The following NRG1 variants were observed in gnomAD, a reference collection of about 807,000 sequenced individuals.
NRG1 encodes the protein neuregulin 1, also known as pro-neuregulin-1, membrane-bound isoform.
Under a neutral mutation model 63.8 loss-of-function variants are expected in NRG1, and 18 were observed. The observed-to-expected ratio is 0.28, with a 90% CI of 0.19 to 0.42. The LOEUF (loss-of-function observed/expected upper bound fraction) is 0.42. NRG1 is among the 10% of genes least tolerant of loss of function. NRG1 has a pLI of 1.00. For synonymous variants in NRG1, 302 were observed against 301.3 expected (o/e 1.00, Z -0.02); for missense variants, 762 against 814.7 (o/e 0.94, Z 0.79).
At chr8:31,990,482 C>T (rs184599414) in intron 1 of NRG1, among the ~76,000 whole-genome samples, 69 of 152,140 alleles carry the variant, frequency 4.5e-4, no homozygotes, top group African/African-American at 1.5e-3. Context: ...AGGACTAATG[C>T]ACCTTGAGCT....
intron 5 of NRG1, among the ~76,000 whole-genome samples, chr8:32,645,880 G>C (rs1853411000): frequency 6.6e-6 from 1 of 151,710 alleles, no homozygotes; most frequent in Non-Finnish European, 1.5e-5. Context: ...TTTAATGACT[G>C]TTGTTTTAAA....
At chr8:31,693,440 ATT>A (rs568981643) in intron 1 of NRG1, among the ~76,000 whole-genome samples, 1 of 151,800 alleles carries the variant, frequency 6.6e-6, no homozygotes, top group Non-Finnish European at 1.5e-5. Flanking sequence ...GCTGTTGTTT[ATT>A]GTGTTATATG....
chr8:32,048,811 G>A (rs1023364373), intron 1 of NRG1, among the ~76,000 whole-genome samples: 1 of 151,596 alleles, frequency 6.6e-6, no homozygotes. Context: ...TTTTTTAATC[G>A]GGTTGTTTTG....
chr8:32,110,744 G>A (rs1319372), intron 1 of NRG1, among the ~76,000 whole-genome samples: 111,722 of 152,036 alleles, frequency 0.73, 41,481 homozygotes, highest in Admixed American at 0.82. Flanking sequence ...TGGATCGCCA[G>A]TCATGGTACT....
intron 1 of NRG1, among the ~76,000 whole-genome samples, chr8:32,009,931 T>G (rs2129904766): frequency 6.6e-6 from 1 of 151,418 alleles, no homozygotes; most frequent in Non-Finnish European, 1.5e-5. Flanking sequence ...CCACTCACTT[T>G]TTGGGGTTCC....
In NRG1 at chr8:32,548,834, C is replaced by A. The variant is rs371654376; in HGVS notation, c.100+8C>A. On this transcript the variant is annotated splice_region_variant and intron_variant, in intron 1 of 11. Coordinates refer to ENST00000356819, the Ensembl canonical transcript of NRG1. Reference sequence around the variant, plus strand: ...CGGGCAGCCAGAGCCCAGGTGGGTGCGCAGCGCGGCCCGGGCCCCACGATC... The same window carrying A: ...CGGGCAGCCAGAGCCCAGGTGGGTGAGCAGCGCGGCCCGGGCCCCACGATC... 24 of 1,554,930 alleles carry A rather than the reference C, an allele frequency of 1.5e-5. No individual in the cohort carries two copies. Among genetic ancestry groups the A allele is most frequent in the African/African-American group, 2.7e-5 (2 of 73,734 alleles).
chr8:32,463,874 C>CTTTTTTTTTTTTTTTTTTTT (rs756489856), intron 1 of NRG1, among the ~76,000 whole-genome samples: 4 of 42,356 alleles, frequency 9.4e-5, no homozygotes, highest in East Asian at 1.2e-3. Flanking sequence ...ACTTAGAATT[C>CTTTTTTTTTTTTTTTTTTTT]TTTTTTTTTT....
At chr8:31,923,298 TATC>T in intron 1 of NRG1, among the ~76,000 whole-genome samples, 1 of 152,208 alleles carries the variant, frequency 6.6e-6, no homozygotes, top group East Asian at 1.9e-4. Flanking sequence ...AATGAGGTGA[TATC>T]ATATCAAATA....
intron 1 of NRG1, among the ~76,000 whole-genome samples, chr8:31,917,739 G>T (rs546893882): frequency 6.6e-6 from 1 of 152,146 alleles, no homozygotes; most frequent in Non-Finnish European, 1.5e-5. Context: ...CCAATTCTGT[G>T]AAGAAAGTCA....
In NRG1 at chr8:32,318,091, A is replaced by G. The variant is rs151190605; in HGVS notation, c.38-277737A>G. On this transcript the variant is annotated intron_variant, in intron 1 of 10. Coordinates refer to the NRG1 transcript ENST00000519301. ...GAAATAATCAGATTCTAAAGTTCTC[A>G]CAAGGTTTGGTATTTTGAAGTATTT... Among the ~76,000 whole-genome samples, 6 of 152,332 alleles carry G rather than the reference A, an allele frequency of 3.9e-5. No individual in the cohort carries two copies. In the East Asian group the frequency reaches 1.2e-3, roughly 29 times the overall value.
At chr8:32,162,111 C>T (rs994533661) in intron 1 of NRG1, among the ~76,000 whole-genome samples, 11 of 152,186 alleles carry the variant, frequency 7.2e-5, no homozygotes, top group African/African-American at 2.4e-4. Context: ...AATATGTATG[C>T]ATCACTTTTC....
chr8:31,709,168 T>A (rs575018745), intron 1 of NRG1, among the ~76,000 whole-genome samples: 4 of 152,008 alleles, frequency 2.6e-5, no homozygotes, highest in South Asian at 4.2e-4. Context: ...GGTGATTTTT[T>A]ATTTAATCAA....
Position 32,764,338 on chromosome 8 carries a change from C to T in NRG1, c.1850C>T (p.Thr617Ile), listed in dbSNP as rs368158411. The change falls in exon 12 of 12, where the codon ACA (threonine) becomes ATA (isoleucine). Residue 617 changes from threonine to isoleucine, a missense_variant. Physicochemically the swap from Thr to Ile is moderately conservative, Grantham distance 89. Transcript: ENST00000356819. ...ACTAACCCAGCAGGCCGCTTCTCGA[C>T]ACAGGAAGAAATCCAGGCCAGGCTG... 16 of 1,613,426 alleles carry T rather than the reference C, an allele frequency of 9.9e-6. No homozygotes were observed. The African/African-American group carries it at 2.0e-4, about 20-fold the overall frequency.
intron 1 of NRG1, among the ~76,000 whole-genome samples, chr8:32,500,475 C>T (rs375867597): frequency 3.7e-4 from 57 of 152,268 alleles, no homozygotes; most frequent in African/African-American, 1.2e-3. Flanking sequence ...ATATAGTCAA[C>T]CTTAGTTCCT....
At chr8:32,759,671 A>G (rs1177164023) in intron 10 of NRG1, among the ~76,000 whole-genome samples, 2 of 152,090 alleles carry the variant, frequency 1.3e-5, no homozygotes, top group Non-Finnish European at 2.9e-5. Context: ...ATGCCCTGCT[A>G]CTCACCGAAT....
At chr8:32,497,666 A>G (rs1827370926) in intron 1 of NRG1, among the ~76,000 whole-genome samples, 1 of 152,152 alleles carries the variant, frequency 6.6e-6, no homozygotes, top group Admixed American at 6.5e-5. Flanking sequence ...GCAGAGAACT[A>G]ACATGTGTAC....
intron 1 of NRG1, among the ~76,000 whole-genome samples, chr8:32,449,050 T>C (rs1450918636): frequency 1.3e-5 from 2 of 152,086 alleles, no homozygotes; most frequent in African/African-American, 2.4e-5. Flanking sequence ...ATCCCAACGA[T>C]TTGAGAGGCT....
intron 1 of NRG1, among the ~76,000 whole-genome samples, chr8:32,462,784 G>A (rs1822488056): frequency 6.6e-6 from 1 of 151,110 alleles, no homozygotes; most frequent in African/African-American, 2.4e-5. Context: ...TTATATTTTG[G>A]GTAGAGACAG....
chr8:32,009,325 A>T (rs1381916380), intron 1 of NRG1, among the ~76,000 whole-genome samples: 1 of 152,008 alleles, frequency 6.6e-6, no homozygotes, highest in Non-Finnish European at 1.5e-5. Flanking sequence ...GGTATATTCC[A>T]TTCCCAGTTG....
Sources: allele counts gnomAD v4.1 joint callset (sites outside exome capture counted in the v4.1 genomes callset), GRCh38; gene constraint gnomAD v4.1.1; transcripts MANE v1.5; gene names NCBI Gene and HGNC (gene_info 2026-07-23, HGNC 2026-07-21).